Variants in PTPRD observed in about 807,000 individuals in gnomAD.
PTPRD encodes the protein protein tyrosine phosphatase receptor type D, also known as receptor-type tyrosine-protein phosphatase delta.
A neutral mutation model predicts 214.5 loss-of-function variants in PTPRD; 34 were observed. That is an observed-to-expected ratio of 0.16 (90% CI 0.12 to 0.21). The LOEUF (loss-of-function observed/expected upper bound fraction) is 0.21. Ranked by LOEUF, PTPRD falls within the 10% of genes least tolerant of loss-of-function variation. The pLI is 1.00. For missense variants in PTPRD, 2,545 were observed against 2,398.7 expected (o/e 1.06, Z -1.27); for synonymous variants, 1,128 against 845.7 (o/e 1.33, Z -5.79).
intron 14 of PTPRD, among the ~76,000 whole-genome samples, chr9:8,571,338 C>T (rs1245322832): frequency 2.0e-5 from 3 of 152,066 alleles, no homozygotes; most frequent in African/African-American, 4.8e-5. Context: ...CAATTACACG[C>T]TATTTTCCAT....
chr9:9,487,525 G>A (rs1160522322), intron 8 of PTPRD, among the ~76,000 whole-genome samples: 1 of 151,894 alleles, frequency 6.6e-6, no homozygotes, highest in East Asian at 1.9e-4. Flanking sequence ...AAACATACAT[G>A]TGCATGTGTC....
chr9:9,425,250 T>A (rs933137001), intron 8 of PTPRD, among the ~76,000 whole-genome samples: 1 of 151,824 alleles, frequency 6.6e-6, no homozygotes, highest in African/African-American at 2.4e-5. Flanking sequence ...AGGAGAGACA[T>A]ACCAAATATG....
chr9:10,027,476 T>C (rs1567172891), intron 4 of PTPRD, among the ~76,000 whole-genome samples: 2 of 152,176 alleles, frequency 1.3e-5, no homozygotes, highest in Non-Finnish European at 2.9e-5. Context: ...TAAGTTTCTG[T>C]ACAAAAGTGC....
intron 5 of PTPRD, among the ~76,000 whole-genome samples, chr9:9,905,713 A>G (rs1289098728): frequency 6.6e-6 from 1 of 152,068 alleles, no homozygotes; most frequent in Non-Finnish European, 1.5e-5. Context: ...CTAATACAGA[A>G]GAATTCAAGA....
intron 3 of PTPRD, among the ~76,000 whole-genome samples, chr9:10,041,418 G>A (rs545736625): frequency 1.3e-5 from 2 of 151,902 alleles, no homozygotes; most frequent in African/African-American, 2.4e-5. Context: ...ACAGAAAGTA[G>A]TTTTCTGAGT....
intron 10 of PTPRD, among the ~76,000 whole-genome samples, chr9:9,139,641 G>C (rs1301705173): frequency 6.6e-6 from 1 of 152,158 alleles, no homozygotes; most frequent in East Asian, 1.9e-4. Flanking sequence ...GGGTGGGAAG[G>C]AGTGGGACTG....
chr9:8,644,245 G>A (rs1191031891), intron 12 of PTPRD, among the ~76,000 whole-genome samples: 1 of 151,684 alleles, frequency 6.6e-6, no homozygotes, highest in Non-Finnish European at 1.5e-5. Context: ...CACTCCGGAC[G>A]ACCTGCCTAA....
intron 3 of PTPRD, among the ~76,000 whole-genome samples, chr9:10,225,200 T>C (rs1206564817): frequency 6.6e-6 from 1 of 151,888 alleles, no homozygotes; most frequent in Admixed American, 6.6e-5. Flanking sequence ...AAATGAATTT[T>C]AGTAGTTTAT....
At chr9:9,900,756 C>A (rs2076220529) in intron 5 of PTPRD, among the ~76,000 whole-genome samples, 2 of 151,490 alleles carry the variant, frequency 1.3e-5, no homozygotes, top group African/African-American at 4.9e-5. Context: ...CCTGCCTCAG[C>A]CTCCCGAGTA....
chr9:8,934,489 A>T (rs1375957872), intron 11 of PTPRD, among the ~76,000 whole-genome samples: 1 of 9,474 alleles, frequency 1.1e-4, no homozygotes, highest in South Asian at 4.6e-3. Flanking sequence ...ATATATATAT[A>T]TATAAATATA....
At chr9:10,047,241 A>G (rs916512400) in intron 3 of PTPRD, among the ~76,000 whole-genome samples, 13 of 151,590 alleles carry the variant, frequency 8.6e-5, no homozygotes, top group Admixed American at 7.3e-4. Flanking sequence ...AAATATATTG[A>G]TCTAGGATTG....
chr9:9,324,375 T>G (rs536834995), intron 9 of PTPRD, among the ~76,000 whole-genome samples: 1 of 152,278 alleles, frequency 6.6e-6, no homozygotes, highest in East Asian at 1.9e-4. Flanking sequence ...TTTTAATGAT[T>G]GCCATTCTAA....
At chr9:9,387,021 G>A (rs948322113) in intron 9 of PTPRD, among the ~76,000 whole-genome samples, 1 of 152,208 alleles carries the variant, frequency 6.6e-6, no homozygotes, top group Non-Finnish European at 1.5e-5. Flanking sequence ...TTAACGCTCA[G>A]AGGGACTTTG....
At chr9:9,347,519 T>C (rs570723392) in intron 9 of PTPRD, among the ~76,000 whole-genome samples, 13 of 152,102 alleles carry the variant, frequency 8.5e-5, no homozygotes, top group African/African-American at 3.1e-4. Context: ...TATATACAGG[T>C]GATGCAGAGT....
intron 7 of PTPRD, among the ~76,000 whole-genome samples, chr9:9,733,617 C>T (rs1384388305): frequency 1.3e-5 from 2 of 152,128 alleles, no homozygotes; most frequent in Non-Finnish European, 2.9e-5. Context: ...CCACTCCCAT[C>T]CAGCAATACC....
At chr9:9,664,702 G>C (rs142982668) in intron 7 of PTPRD, among the ~76,000 whole-genome samples, 1 of 151,748 alleles carries the variant, frequency 6.6e-6, no homozygotes, top group African/African-American at 2.4e-5. Flanking sequence ...TACTGTTAAA[G>C]TATTATTACT....
chr9:10,271,513 T>C (rs962833454), intron 3 of PTPRD, among the ~76,000 whole-genome samples: 13 of 150,134 alleles, frequency 8.7e-5, no homozygotes, highest in Non-Finnish European at 1.2e-4. Context: ...CACTAACCAA[T>C]ACTGATAAAT....
chr9:9,205,539 G>C (rs1451973264), intron 9 of PTPRD, among the ~76,000 whole-genome samples: 1 of 152,100 alleles, frequency 6.6e-6, no homozygotes, highest in Non-Finnish European at 1.5e-5. Context: ...ATAGAAACTT[G>C]AAAAACAAAG....
chr9:8,382,065 G>A (rs2085273313), intron 37 of PTPRD, among the ~76,000 whole-genome samples: 1 of 152,128 alleles, frequency 6.6e-6, no homozygotes, highest in African/African-American at 2.4e-5. Flanking sequence ...GCCTTGGTCT[G>A]CCCAGCAGTT....
Sources: gnomAD v4.1 joint callset for allele counts (sites outside exome capture counted in the v4.1 genomes callset) on GRCh38, gnomAD v4.1.1 for gene constraint, MANE v1.5 for transcripts, NCBI Gene and HGNC (gene_info 2026-07-23, HGNC 2026-07-21) for gene names.